Variants in TBCK observed in about 807,000 individuals in gnomAD.
TBCK encodes the protein TBC domain-containing protein kinase-like protein.
A neutral mutation model predicts 113.4 loss-of-function variants in TBCK; 99 were observed. The ratio of observed to expected loss-of-function variants is 0.87; its 90% CI spans 0.74 to 1.03. The LOEUF is 1.03. Ranked by LOEUF, TBCK falls within the 50% of genes least tolerant of loss-of-function variation. The probability of loss-of-function intolerance (pLI) is 0.00; values close to 1 mark genes in which losing one functional copy is unlikely to be tolerated. For missense variants in TBCK, 1,045 were observed against 1,061.3 expected (o/e 0.98, Z 0.21); for synonymous variants, 369 against 370.8 (o/e 1.00, Z 0.05).
At chr4:106,270,763 G>T (rs1228038517) in intron 3 of TBCK, among the ~76,000 whole-genome samples, 1 of 152,128 alleles carries the variant, frequency 6.6e-6, no homozygotes, top group East Asian at 1.9e-4. Flanking sequence ...TACAGCATCT[G>T]CAAGACAGCA....
intron 3 of TBCK, among the ~76,000 whole-genome samples, chr4:106,293,098 C>T (rs951193770): frequency 1.3e-5 from 2 of 152,152 alleles, no homozygotes; most frequent in Non-Finnish European, 2.9e-5. Flanking sequence ...GGAATAGATC[C>T]GCAACCCATT....
At chr4:106,242,788 G>A (rs191482393) in intron 11 of TBCK, among the ~76,000 whole-genome samples, 113 of 151,700 alleles carry the variant, frequency 7.4e-4, no homozygotes, top group African/African-American at 2.6e-3. Context: ...ATGTATACAT[G>A]TGCCGTGCTG....
chr4:106,059,568 G>C (rs1735805347), intron 25 of TBCK, among the ~76,000 whole-genome samples: 1 of 151,544 alleles, frequency 6.6e-6, no homozygotes, highest in African/African-American at 2.4e-5. Context: ...AATGTGTTTT[G>C]ACTGCTCCAC....
In TBCK at chr4:106,276,510, G is replaced by A. The variant is rs184411257; in HGVS notation, c.267-14298C>T. ...GAGGACTGCCTGAACCCAGAAGTTC[G>A]AGACCAGCCTGGGTAACACAGTGAG... is the stretch of plus-strand genomic sequence containing the variant. On this transcript the variant is annotated intron_variant, in intron 3 of 25. Coordinates refer to ENST00000394708, the MANE Select transcript of TBCK (RefSeq NM_001163435.3). Among the ~76,000 whole-genome samples, 37 of 152,272 alleles carry A rather than the reference G, an allele frequency of 2.4e-4. No homozygotes were observed. In the South Asian group the frequency reaches 3.7e-3, roughly 15 times the overall value.
At chr4:106,278,892 GAAGAA>G (rs1165123202) in intron 3 of TBCK, among the ~76,000 whole-genome samples, 1 of 151,756 alleles carries the variant, frequency 6.6e-6, no homozygotes, top group African/African-American at 2.4e-5. Context: ...ATATAGCTAA[GAAGAA>G]AAGATAAAAG....
intron 23 of TBCK, among the ~76,000 whole-genome samples, chr4:106,160,842 T>A (rs1211695983): frequency 6.6e-6 from 1 of 152,072 alleles, no homozygotes; most frequent in African/African-American, 2.4e-5. Flanking sequence ...TTGTTTACAA[T>A]CGCTAAAATG....
intron 22 of TBCK, among the ~76,000 whole-genome samples, chr4:106,178,162 T>C (rs1202564623): frequency 6.6e-6 from 1 of 152,044 alleles, no homozygotes; most frequent in Non-Finnish European, 1.5e-5. Flanking sequence ...CTGATTTTTA[T>C]ATGTTGATTT....
At chr4:106,257,632 T>C (rs957033040) in intron 5 of TBCK, among the ~76,000 whole-genome samples, 12 of 152,186 alleles carry the variant, frequency 7.9e-5, no homozygotes, top group Admixed American at 3.9e-4. Context: ...ATTCGTATTG[T>C]GTTATTTTAC....
chr4:106,067,578 G>C (rs1295817619), intron 25 of TBCK, among the ~76,000 whole-genome samples: 1 of 151,970 alleles, frequency 6.6e-6, no homozygotes, highest in Non-Finnish European at 1.5e-5. Context: ...CAAATCCAAG[G>C]TTATGAAGAT....
Position 106,238,321 on chromosome 4 carries a change from A to C in TBCK, c.1171-1513T>G, listed in dbSNP as rs181742727. On this transcript the variant is annotated intron_variant, in intron 12 of 25. Transcript: ENST00000394708. ...AATTTTCTGTTGCTGGCATTATGGC[A>C]GACAAGAGATTCTAATACTCTCCTA... is the stretch of plus-strand genomic sequence containing the variant. Among the ~76,000 whole-genome samples the C allele has an allele frequency of 3.3e-5, 5 of 152,248 alleles. No individual in the cohort carries two copies. In the South Asian group the frequency reaches 6.2e-4, roughly 19 times the overall value.
chr4:106,297,240 A>G (rs72878534), intron 2 of TBCK, among the ~76,000 whole-genome samples: 5 of 152,270 alleles, frequency 3.3e-5, no homozygotes, highest in South Asian at 2.1e-4. Flanking sequence ...TCTATAGCCT[A>G]TATTATAGGC....
At chr4:106,123,519 C>A (rs1317817497) in intron 23 of TBCK, among the ~76,000 whole-genome samples, 2 of 152,168 alleles carry the variant, frequency 1.3e-5, no homozygotes, top group Non-Finnish European at 2.9e-5. Context: ...TTGGAAAAAA[C>A]TACTTTCAAG....
chr4:106,313,306 G>A (rs574442060), intron 1 of TBCK, among the ~76,000 whole-genome samples: 1 of 152,118 alleles, frequency 6.6e-6, no homozygotes, highest in Admixed American at 6.5e-5. Context: ...GAGAGGCTGA[G>A]GTGGGAGGAT....
At chr4:106,308,423 T>C (rs1767775417) in intron 2 of TBCK, among the ~76,000 whole-genome samples, 1 of 152,134 alleles carries the variant, frequency 6.6e-6, no homozygotes, top group South Asian at 2.1e-4. Context: ...CAAGGATATG[T>C]GAATCAAAAA....
intron 3 of TBCK, among the ~76,000 whole-genome samples, chr4:106,275,798 T>C (rs1763966731): frequency 1.3e-5 from 2 of 152,162 alleles, no homozygotes; most frequent in Non-Finnish European, 2.9e-5. Flanking sequence ...AGAAATAACA[T>C]GTTAATCTAG....
At chr4:106,283,850 G>T (rs1033936124) in intron 3 of TBCK, among the ~76,000 whole-genome samples, 8 of 152,102 alleles carry the variant, frequency 5.3e-5, no homozygotes, top group African/African-American at 1.9e-4. Flanking sequence ...AAAGTGGGAG[G>T]ACTGAAGTAT....
At chr4:106,051,786 A>G (rs1265698407) in intron 25 of TBCK, among the ~76,000 whole-genome samples, 9 of 151,818 alleles carry the variant, frequency 5.9e-5, no homozygotes, top group Admixed American at 5.9e-4. Context: ...GTGGTCTTGG[A>G]ATGAATATAA....
intron 19 of TBCK, among the ~76,000 whole-genome samples, chr4:106,228,858 C>T (rs959654708): frequency 3.9e-5 from 6 of 152,048 alleles, no homozygotes; most frequent in African/African-American, 1.4e-4. Context: ...TACATTACCA[C>T]CAACAGTGCA....
chr4:106,119,164 A>G (rs892755860), intron 23 of TBCK, among the ~76,000 whole-genome samples: 2 of 152,182 alleles, frequency 1.3e-5, no homozygotes, highest in South Asian at 4.1e-4. Flanking sequence ...TATTATAGAT[A>G]TTGTGTGTCT....
Sources: allele counts gnomAD v4.1 joint callset (sites outside exome capture counted in the v4.1 genomes callset), GRCh38; gene constraint gnomAD v4.1.1; transcripts MANE v1.5; gene names NCBI Gene and HGNC (gene_info 2026-07-23, HGNC 2026-07-21).